Variants in SMARCA1 observed in about 807,000 individuals in gnomAD.
The protein encoded by SMARCA1 is SWI/SNF-related matrix-associated actin-dependent regulator of chromatin subfamily A member 1.
In SMARCA1, 17 loss-of-function variants were observed where a neutral mutation model predicts 93.6. The observed-to-expected ratio is 0.18, with a 90% CI of 0.12 to 0.27. The LOEUF (loss-of-function observed/expected upper bound fraction) is 0.27, where lower values mean the gene tolerates loss of function less well. Among genes scored for constraint, SMARCA1 ranks in the 10% least tolerant of loss-of-function variants. The pLI is 1.00. For synonymous variants in SMARCA1, 271 were observed against 271.4 expected (o/e 1.00, Z 0.01); for missense variants, 630 against 819.0 (o/e 0.77, Z 2.82).
chrX:129,521,311 G>A (rs1488399899), intron 1 of SMARCA1, among the ~76,000 whole-genome samples: 4 of 112,297 alleles, frequency 3.6e-5, no homozygotes, highest in East Asian at 2.8e-4. Context: ...ACTAACTGAT[G>A]GCCATGAAGA....
chrX:129,456,740 C>T (rs969504081), intron 23 of SMARCA1, among the ~76,000 whole-genome samples: 1 of 111,618 alleles, frequency 9.0e-6, no homozygotes, highest in Admixed American at 9.5e-5. Context: ...GAAGTGGAGC[C>T]TGAAGATGTG....
At chrX:129,522,402 G>A (rs1935425609) in intron 1 of SMARCA1, among the ~76,000 whole-genome samples, 3 of 109,940 alleles carry the variant, frequency 2.7e-5, no homozygotes, top group Non-Finnish European at 3.8e-5. Context: ...GCTTGGGGCC[G>A]GATTGAGGGA....
At position 129,471,307 on chromosome X, in the gene SMARCA1, A is replaced by G. The variant is rs1440863758; in HGVS notation, c.2462T>C (p.Ile821Thr). ...IGYKVPRNPDIPNPALAQREE... is the reference protein window; with the variant it reads ...IGYKVPRNPDTPNPALAQREE... ...TCTTTGAGCCAGAGCTGGATTTGGG[A>G]TATCAGGATTCCTTGGAACCTATAA... Residue 821 changes from isoleucine (I) to threonine (T), a missense_variant, in exon 20 of 25, where the codon ATC becomes ACC. Physicochemically the swap from Ile to Thr is moderately conservative, Grantham distance 89 (BLOSUM62 -1). Around this residue, in one of 4 missense-constraint regions of SMARCA1, gnomAD observed 52 missense variants for 38.3 expected, o/e 1.36. Transcript: ENST00000371121. The G allele has an allele frequency of 2.5e-6, 3 of 1,198,081 alleles. No homozygotes were observed. The African/African-American group carries it at 5.2e-5, about 21-fold the overall frequency.
chrX:129,458,978 A>G (rs1932755114), intron 23 of SMARCA1, among the ~76,000 whole-genome samples: 2 of 112,454 alleles, frequency 1.8e-5, no homozygotes, highest in Non-Finnish European at 3.8e-5. Context: ...TATCATACTA[A>G]CGAAAAGCAA....
intron 14 of SMARCA1, among the ~76,000 whole-genome samples, 199 bp downstream of exon 14, chrX:129,491,742 G>A (rs1163463659): frequency 1.8e-5 from 2 of 111,495 alleles, no homozygotes; most frequent in Non-Finnish European, 3.8e-5. Flanking sequence ...GTTGGATCTG[G>A]GGTGTGTTTG....
intron 19 of SMARCA1, among the ~76,000 whole-genome samples, chrX:129,480,184 A>G (rs1172017923): frequency 8.9e-6 from 1 of 112,356 alleles, no homozygotes; most frequent in Non-Finnish European, 1.9e-5. Flanking sequence ...TATATAAATA[A>G]GAATTCCAAA....
intron 23 of SMARCA1, among the ~76,000 whole-genome samples, chrX:129,457,692 C>T (rs1932693120): frequency 8.9e-6 from 1 of 112,077 alleles, no homozygotes; most frequent in Admixed American, 9.5e-5. Flanking sequence ...CTGGCTATTC[C>T]AACTTCAGAC....
chrX:129,508,066 C>T lies in SMARCA1; in HGVS notation c.841G>A (p.Gly281Arg). ...GAAGTAACGCAAACATCCCACTCTC[C>T]TGGCATCATTTCATCACGAATAAAA... ...AAFIRDEMMP[G>R]EWDVCVTSYE... is the part of the protein sequence containing the mutation. The change falls in exon 7 of 25, where the codon GGA becomes AGA. Residue 281 changes from glycine (G) to arginine (R), a missense_variant. By Grantham distance (125) the Gly-to-Arg change is moderately radical (BLOSUM62 -2). Transcript: ENST00000371121. 1 of 1,178,031 alleles carries T rather than the reference C, an allele frequency of 8.5e-7. No homozygotes were observed. Among genetic ancestry groups the T allele is most frequent in the Admixed American group, 2.4e-5 (1 of 41,887 alleles).
rs376374267 is a variant in SMARCA1, at chrX:129,518,342, T to C, written c.261+19A>G. ...AAATTAATTACAGCATTCACTATCC[T>C]ATCCAAGACTACATTTACCATTTTC... On this transcript the variant is annotated intron_variant, in intron 2 of 24. Transcript: ENST00000371121. 3.1e-4 allele frequency: 313 copies of C among 1,010,264 alleles called. No homozygotes were observed. Among genetic ancestry groups the C allele is most frequent in the Non-Finnish European group, 4.1e-4 (299 of 733,967 alleles). 83.3% of individuals were successfully genotyped at this position (1,010,264 alleles called of 1,213,427 possible). A position where few individuals can be genotyped will look rare whatever the true frequency, so the allele number is the denominator to read the frequency against.
intron 1 of SMARCA1, among the ~76,000 whole-genome samples, chrX:129,519,999 G>A (rs1438722812): frequency 9.1e-6 from 1 of 110,108 alleles, no homozygotes; most frequent in East Asian, 2.9e-4. Context: ...TTACCTTGCG[G>A]TAGACTACCA....
chrX:129,523,428 C>T lies in SMARCA1; in HGVS notation c.-58G>A, dbSNP rs891072465. On this transcript the variant is annotated 5_prime_UTR_variant, in exon 1 of 25. Coordinates refer to ENST00000371121, the MANE Select transcript of SMARCA1 (RefSeq NM_001282874.2). ...GCAGGGGACGAGGGCTCCTGGGCGG[C>T]GGCAGTGGCTGCACTGGAAAGAGCT... The T allele has an allele frequency of 4.0e-6, 4 of 1,007,999 alleles. No individual in the cohort carries two copies. Among genetic ancestry groups the T allele is most frequent in the Non-Finnish European group, 5.3e-6 (4 of 750,778 alleles). The allele number at this position is 1,007,999 out of a possible 1,213,427, so 83.1% of individuals were successfully genotyped here.
At chrX:129,516,027 G>A (rs1935186012) in intron 3 of SMARCA1, 33 bp from the exon 4 acceptor site, 4 of 994,213 alleles carry the variant, frequency 4.0e-6, no homozygotes, top group African/African-American at 1.9e-5. Flanking sequence ...CTTCATATTC[G>A]ACCTAAATGA....
At chrX:129,509,142 T>C (rs1004234002) in intron 6 of SMARCA1, among the ~76,000 whole-genome samples, 11 of 107,210 alleles carry the variant, frequency 1.0e-4, no homozygotes, top group African/African-American at 3.4e-4. Context: ...TGAGCTAAGA[T>C]GTCACCACTG....
intron 23 of SMARCA1, among the ~76,000 whole-genome samples, chrX:129,460,452 C>A (rs1466534219): frequency 2.7e-5 from 3 of 110,510 alleles, no homozygotes; most frequent in Non-Finnish European, 5.7e-5. Flanking sequence ...GAGTTCAAGA[C>A]CAGCCTGGCC....
chrX:129,451,267 A>G (rs1932276963), intron 23 of SMARCA1, among the ~76,000 whole-genome samples: 1 of 111,995 alleles, frequency 8.9e-6, no homozygotes, highest in South Asian at 3.7e-4. Flanking sequence ...CAATTTACCT[A>G]TTATAGAAAA....
At chrX:129,463,195 A>C (rs1157460865) in intron 23 of SMARCA1, among the ~76,000 whole-genome samples, 1 of 111,917 alleles carries the variant, frequency 8.9e-6, no homozygotes, top group Non-Finnish European at 1.9e-5. Flanking sequence ...ATTAACTGAC[A>C]AATGCAGGTA....
Position 129,471,336 on chromosome X carries a change from A to G in SMARCA1, c.2443-10T>C. On this transcript the variant is annotated splice_polypyrimidine_tract_variant and intron_variant, in intron 19 of 24. Coordinates refer to ENST00000371121, the MANE Select transcript of SMARCA1 (RefSeq NM_001282874.2). ...CAGGATTCCTTGGAACCTATAAATC[A>G]AGAGATAAACTAAGAGTAAACTGAT... The G allele has an allele frequency of 3.4e-6, 4 of 1,173,274 alleles. No individual in the cohort carries two copies. The South Asian group carries it at 7.5e-5, about 22-fold the overall frequency.
chrX:129,491,820 G>GT, intron 14 of SMARCA1, 121 bp downstream of exon 14: 1 of 458,495 alleles, frequency 2.2e-6, no homozygotes. Context: ...ATAATCTACT[G>GT]TAACTTCTAT....
chrX:129,466,092 C>T (rs917057443), intron 21 of SMARCA1, 130 bp from the exon 22 acceptor site: 6 of 305,623 alleles, frequency 2.0e-5, no homozygotes, highest in Non-Finnish European at 3.4e-5. Flanking sequence ...TCAGATTAAT[C>T]TTATATATAT....
Sources: allele counts gnomAD v4.1 joint callset (sites outside exome capture counted in the v4.1 genomes callset), GRCh38; gene constraint gnomAD v4.1.1; regional missense constraint gnomAD v4.1.1; transcripts MANE v1.5; gene names NCBI Gene and HGNC (gene_info 2026-07-23, HGNC 2026-07-21).